Variants in ALMS1 observed in about 807,000 individuals in gnomAD.
The protein encoded by ALMS1 is centrosome-associated protein ALMS1.
Under a neutral mutation model 352.2 loss-of-function variants are expected in ALMS1, and 271 were observed. The observed-to-expected ratio is 0.77, with a 90% CI of 0.70 to 0.85. The LOEUF is 0.85. ALMS1 is among the 40% of genes least tolerant of loss of function. The pLI is 0.00. For synonymous variants in ALMS1, 1,865 were observed against 1,761.2 expected (o/e 1.06, Z -1.48); for missense variants, 5,445 against 4,870.7 (o/e 1.12, Z -3.51).
At chr2:73,578,228 G>T (rs928173367) in intron 16 of ALMS1, among the ~76,000 whole-genome samples, 5 of 152,060 alleles carry the variant, frequency 3.3e-5, no homozygotes, top group African/African-American at 1.2e-4. Context: ...TATTTGCATG[G>T]AATACCTTTT....
Position 73,442,594 on chromosome 2 carries a change from G to A in ALMS1, c.1433-5366G>A, listed in dbSNP as rs1158729835. Reference sequence around the variant, plus strand: ...AACACTAATCTTGGCATATGATAAAGGCATGAAAGAGTCTCGATGATTGTT... The same window carrying A: ...AACACTAATCTTGGCATATGATAAAAGCATGAAAGAGTCTCGATGATTGTT... On this transcript the variant is annotated intron_variant, in intron 7 of 22. Coordinates refer to ENST00000613296, the MANE Select transcript of ALMS1 (RefSeq NM_001378454.1). Among the ~76,000 whole-genome samples, 3 of 152,238 alleles carry A rather than the reference G, an allele frequency of 2.0e-5. No individual in the cohort carries two copies. In the East Asian group the frequency reaches 5.8e-4, roughly 29 times the overall value.
chr2:73,485,907 A>T (rs1244409020), intron 9 of ALMS1, among the ~76,000 whole-genome samples: 2 of 152,124 alleles, frequency 1.3e-5, no homozygotes, highest in Non-Finnish European at 2.9e-5. Flanking sequence ...TTCCCAAGTG[A>T]GGCAATGCCT....
chr2:73,599,010 CG>C (rs1384003410), intron 16 of ALMS1, among the ~76,000 whole-genome samples: 1 of 152,112 alleles, frequency 6.6e-6, no homozygotes, highest in Non-Finnish European at 1.5e-5. Context: ...AATTGGAGAG[CG>C]CTCTCTTCAG....
chr2:73,590,616 A>AT (rs1675409752), intron 16 of ALMS1, among the ~76,000 whole-genome samples: 2 of 125,466 alleles, frequency 1.6e-5, no homozygotes, highest in Non-Finnish European at 3.5e-5. Context: ...TTTCCTATTC[A>AT]TTTTTGTAAA....
intron 1 of ALMS1, among the ~76,000 whole-genome samples, chr2:73,387,620 G>C (rs1373068840): frequency 6.6e-6 from 1 of 152,164 alleles, no homozygotes; most frequent in Non-Finnish European, 1.5e-5. Flanking sequence ...GCAAGGCTTT[G>C]TGTGCTATGC....
intron 1 of ALMS1, among the ~76,000 whole-genome samples, chr2:73,400,975 T>C (rs1670861896): frequency 6.6e-6 from 1 of 152,016 alleles, no homozygotes; most frequent in Non-Finnish European, 1.5e-5. Flanking sequence ...TTAGTAGATT[T>C]AGGGTTTCGC....
chr2:73,410,455 C>T (rs986494923), intron 2 of ALMS1, among the ~76,000 whole-genome samples: 11 of 152,070 alleles, frequency 7.2e-5, no homozygotes, highest in East Asian at 5.8e-4. Flanking sequence ...ACCTCACAGA[C>T]GTATCCAAAA....
chr2:73,396,327 C>T (rs997302680), intron 1 of ALMS1, among the ~76,000 whole-genome samples: 34 of 152,150 alleles, frequency 2.2e-4, no homozygotes, highest in Admixed American at 1.7e-3. Context: ...CACACACACA[C>T]ACACACACAC....
At chr2:73,480,007 CTCTT>C (rs1172359778) in intron 9 of ALMS1, among the ~76,000 whole-genome samples, 2 of 151,888 alleles carry the variant, frequency 1.3e-5, no homozygotes, top group African/African-American at 4.8e-5. Flanking sequence ...TGTTTCCAGT[CTCTT>C]TCTCCTGTTA....
At chr2:73,458,554 A>G (rs1672121298) in intron 9 of ALMS1, 1 of 152,222 alleles carries the variant, frequency 6.6e-6, no homozygotes, top group South Asian at 2.1e-4. Flanking sequence ...AGATGGTGGG[A>G]TAAGAGCCAG....
At chr2:73,559,169 G>A (rs1291022400) in intron 15 of ALMS1, 27 bp downstream of exon 15, 6 of 1,606,762 alleles carry the variant, frequency 3.7e-6, no homozygotes, top group Admixed American at 1.7e-5. Flanking sequence ...GTGTATGAGT[G>A]TGTGTGTCTT....
chr2:73,395,122 C>CT (rs1318230308), intron 1 of ALMS1, among the ~76,000 whole-genome samples: 1 of 133,690 alleles, frequency 7.5e-6, no homozygotes, highest in East Asian at 2.1e-4. Context: ...CGCTCTGTCA[C>CT]CGAGGCTGGA....
chr2:73,570,683 G>T (rs935695123), intron 15 of ALMS1, among the ~76,000 whole-genome samples: 4 of 151,924 alleles, frequency 2.6e-5, no homozygotes, highest in African/African-American at 9.7e-5. Context: ...GGGAAAGGAA[G>T]CAAGGTCTGG....
chr2:73,503,000 G>A (rs76550830), intron 10 of ALMS1, among the ~76,000 whole-genome samples: 2 of 151,944 alleles, frequency 1.3e-5, no homozygotes, highest in Non-Finnish European at 2.9e-5. Flanking sequence ...TTCTCCTATA[G>A]GACCACAATA....
At position 73,489,740 on chromosome 2, in the gene ALMS1, A is replaced by G; in HGVS notation, c.7781A>G (p.His2594Arg). The part of the protein sequence containing the change: ...KGCFRTLTSE[H>R]PQLDRHPCAF... ...TGTTTCCGGACTCTAACTTCTGAAC[A>G]TCCACAACTAGATAGACACCCTTGT... The change falls in exon 10 of 23, where the codon CAT (histidine) becomes CGT (arginine). Residue 2594 changes from histidine (H) to arginine (R), a missense_variant. Physicochemically the swap from His to Arg is conservative, Grantham distance 29 (BLOSUM62 0). Coordinates refer to ENST00000613296, the MANE Select transcript of ALMS1 (RefSeq NM_001378454.1). The G allele has an allele frequency of 1.9e-6, 3 of 1,614,164 alleles. No homozygotes were observed. Among genetic ancestry groups the G allele is most frequent in the South Asian group, 1.1e-5 (1 of 91,084 alleles).
intron 17 of ALMS1, 96 bp downstream of exon 17, chr2:73,599,617 G>A: frequency 1.4e-6 from 2 of 1,429,634 alleles, no homozygotes; most frequent in Non-Finnish European, 2.0e-6. Flanking sequence ...AGGACATGAA[G>A]ATAAAACTAT....
intron 9 of ALMS1, among the ~76,000 whole-genome samples, chr2:73,484,908 C>A (rs868772561): frequency 2.0e-5 from 3 of 152,182 alleles, no homozygotes; most frequent in Admixed American, 1.3e-4. Flanking sequence ...GTTCTCGAGC[C>A]TTGTTTTTCA....
intron 10 of ALMS1, among the ~76,000 whole-genome samples, chr2:73,514,275 A>G (rs1673510916): frequency 6.6e-6 from 1 of 152,022 alleles, no homozygotes; most frequent in African/African-American, 2.4e-5. Context: ...TAGATTAATT[A>G]ATTATTTTTA....
chr2:73,434,571 G>T (rs1671571022), intron 7 of ALMS1, among the ~76,000 whole-genome samples: 1 of 152,150 alleles, frequency 6.6e-6, no homozygotes, highest in Admixed American at 6.6e-5. Flanking sequence ...TTGTTAGGTG[G>T]TGTGTTCTAT....
Sources: allele counts gnomAD v4.1 joint callset (sites outside exome capture counted in the v4.1 genomes callset), GRCh38; gene constraint gnomAD v4.1.1; transcripts MANE v1.5; gene names NCBI Gene and HGNC (gene_info 2026-07-23, HGNC 2026-07-21).